The following MX2 variants were observed in gnomAD, a reference collection of about 807,000 sequenced individuals.
MX2 encodes interferon-induced GTP-binding protein Mx2.
Under a neutral mutation model 74.0 loss-of-function variants are expected in MX2, and 51 were observed. The observed-to-expected ratio is 0.69, with a 90% CI of 0.55 to 0.87. MX2 has a LOEUF of 0.87. MX2 is among the 40% of genes least tolerant of loss of function. The pLI, the probability that MX2 is intolerant of heterozygous loss-of-function variation, is 0.00. For synonymous variants in MX2, 369 were observed against 339.3 expected (o/e 1.09, Z -0.96); for missense variants, 832 against 908.7 (o/e 0.92, Z 1.09).
chr21:41,387,370 G>GA (rs1323311138), intron 5 of MX2, among the ~76,000 whole-genome samples: 2 of 152,198 alleles, frequency 1.3e-5, no homozygotes, highest in Non-Finnish European at 2.9e-5. Context: ...CTGTCCCTGT[G>GA]AAAGGTCTTT....
At chr21:41,401,928 G>A in intron 10 of MX2, 42 bp from the exon 11 acceptor site, 1 of 1,593,876 alleles carries the variant, frequency 6.3e-7, no homozygotes, top group Non-Finnish European at 8.6e-7. Flanking sequence ...GACGTCTGCA[G>A]AATTAGCAGA....
At chr21:41,371,885 G>A (rs1333796525) in intron 1 of MX2, among the ~76,000 whole-genome samples, 1 of 152,126 alleles carries the variant, frequency 6.6e-6, no homozygotes, top group South Asian at 2.1e-4. Context: ...GGCCAAGACC[G>A]CACGGCCAAT....
chr21:41,382,624 C>T (rs1441196583), intron 5 of MX2, 60 bp downstream of exon 5: 5 of 1,602,908 alleles, frequency 3.1e-6, no homozygotes, highest in Non-Finnish European at 4.3e-6. Context: ...GTCAGAGGTC[C>T]CCAGGGTCCT....
intron 7 of MX2, 52 bp from the exon 8 acceptor site, chr21:41,397,561 C>A: frequency 6.5e-7 from 1 of 1,543,790 alleles, no homozygotes; most frequent in Non-Finnish European, 8.9e-7. Flanking sequence ...CCGGTACTAG[C>A]AAGATGGTAC....
chr21:41,406,019 T>G (rs2089881305), intron 12 of MX2, among the ~76,000 whole-genome samples: 1 of 151,002 alleles, frequency 6.6e-6, no homozygotes, highest in Non-Finnish European at 1.5e-5. Context: ...GAGACGGAGT[T>G]TCGCTCTTGT....
chr21:41,380,571 C>T lies in MX2; in HGVS notation c.577+420C>T, dbSNP rs1165378072. Among the ~76,000 whole-genome samples, 1 of 152,184 alleles carries T rather than the reference C, an allele frequency of 6.6e-6. No individual in the cohort carries two copies. The highest frequency in any genetic ancestry group is 1.5e-5 in the Non-Finnish European group (1 of 68,032). Reference sequence around the variant, plus strand: ...CCTTTGGAAATGCTGCTGCAGGACCCCTGGTCCCACCCCAGGTGTCACAAC... The same window carrying T: ...CCTTTGGAAATGCTGCTGCAGGACCTCTGGTCCCACCCCAGGTGTCACAAC... On this transcript the variant is annotated intron_variant, in intron 4 of 13. Coordinates refer to ENST00000330714, the MANE Select transcript of MX2 (RefSeq NM_002463.2). This position sits in a 1 kb window ranked among gnomAD's most constrained non-coding sequence, Gnocchi z 4.3.
Position 41,380,229 on chromosome 21 carries a change from G to C in MX2, c.577+78G>C, listed in dbSNP as rs79107255. ...CTCGGTTCCTTCTCCTCTTCCTCAA[G>C]TCACCCCCACAGTGACCACTCAGCT... is the stretch of plus-strand genomic sequence containing the variant. On this transcript the variant is annotated intron_variant, in intron 4 of 13. Transcript: ENST00000330714. The surrounding 1 kb of genome is among the most constrained non-coding windows in gnomAD (Gnocchi z 4.3). 6.3e-7 allele frequency: 1 copy of C among 1,589,580 alleles called. No homozygotes were observed.
intron 2 of MX2, 63 bp downstream of exon 2, chr21:41,377,218 A>G: frequency 6.3e-7 from 1 of 1,590,254 alleles, no homozygotes; most frequent in Admixed American, 1.7e-5. Flanking sequence ...GAGGGCTGTC[A>G]TGTAAGCCCA....
chr21:41,379,475 G>A (rs556492528), intron 3 of MX2, among the ~76,000 whole-genome samples: 5 of 152,130 alleles, frequency 3.3e-5, no homozygotes, highest in African/African-American at 4.8e-5. Context: ...CGGGATGTCC[G>A]GCTTCTCCTC....
intron 1 of MX2, among the ~76,000 whole-genome samples, chr21:41,362,601 C>T (rs1405383294): frequency 3.9e-5 from 6 of 152,028 alleles, no homozygotes; most frequent in South Asian, 2.1e-4. Context: ...ATGCTCCCAC[C>T]GTGGCCAGTT....
chr21:41,383,505 G>A (rs2089526688), intron 5 of MX2, among the ~76,000 whole-genome samples: 1 of 152,264 alleles, frequency 6.6e-6, no homozygotes, highest in African/African-American at 2.4e-5. Context: ...GCTTTGGCAA[G>A]CCAGCTCATG....
At chr21:41,393,655 A>G (rs2089694345) in intron 6 of MX2, among the ~76,000 whole-genome samples, 1 of 151,932 alleles carries the variant, frequency 6.6e-6, no homozygotes, top group African/African-American at 2.4e-5. Context: ...TCCTTCTATC[A>G]ACGCATCATC....
Position 41,388,494 on chromosome 21 carries a change from A to G in MX2, c.733-2071A>G, listed in dbSNP as rs1215315917. Reference sequence around the variant, plus strand: ...CCCTACCTGGGCTGCCTTGCCTGACATACTGTTCCCCGTGCCTGGCTCTTT... The same window carrying G: ...CCCTACCTGGGCTGCCTTGCCTGACGTACTGTTCCCCGTGCCTGGCTCTTT... On this transcript the variant is annotated intron_variant, in intron 5 of 13. Transcript: ENST00000330714. The surrounding 1 kb of genome is among the most constrained non-coding windows in gnomAD (Gnocchi z 4.0). 6.6e-6 allele frequency among the ~76,000 whole-genome samples: 1 copy of G among 152,106 alleles called. No individual in the cohort carries two copies. Among genetic ancestry groups the G allele is most frequent in the Non-Finnish European group, 1.5e-5 (1 of 68,016 alleles).
chr21:41,402,159 A>G lies in MX2; in HGVS notation c.1573+31A>G, dbSNP rs1232742366. On this transcript the variant is annotated intron_variant, in intron 11 of 13. Transcript: ENST00000330714. This position sits in a 1 kb window ranked among gnomAD's most constrained non-coding sequence, Gnocchi z 4.5. Reference sequence around the variant, plus strand: ...GACTTTCAAGCAGGACTCCCAAACCATCACTCTCATACCTTCCATAGACCC... The same window carrying G: ...GACTTTCAAGCAGGACTCCCAAACCGTCACTCTCATACCTTCCATAGACCC... The G allele has an allele frequency of 1.9e-6, 3 of 1,602,688 alleles. No individual in the cohort carries two copies. The highest frequency in any genetic ancestry group is 1.7e-6 in the Non-Finnish European group (2 of 1,174,684).
rs2089509197 is a variant in MX2 at position 41,382,465 on chromosome 21, G to A, written c.633G>A (p.Leu211=). 1.2e-6 allele frequency: 2 copies of A among 1,614,076 alleles called. No individual in the cohort carries two copies. The highest frequency in any genetic ancestry group is 2.2e-5 in the South Asian group (2 of 91,096). Reference sequence around the variant, plus strand: ...GCATCAGCCATGAGCTCATCAGCCTGGAGATCACCTCCCCTGAGGTTCCAG... The same window carrying A: ...GCATCAGCCATGAGCTCATCAGCCTAGAGATCACCTCCCCTGAGGTTCCAG... ...GRGISHELIS[L]EITSPEVPDL... The change falls in exon 5 of 14, where the codon CTG becomes CTA. Residue 211 remains leucine, a synonymous_variant. Coordinates refer to ENST00000330714, the MANE Select transcript of MX2 (RefSeq NM_002463.2).
Position 41,380,130 on chromosome 21 carries a change from G to C in MX2, c.556G>C (p.Val186Leu). ...TELELQDPGQ[V>L]EKEIHKAQNV... The stretch of plus-strand genomic sequence containing the variant: ...GCTAGAGCTTCAGGACCCTGGCCAG[G>C]TGGAGAAAGAGATACACAAAGGTGG... Residue 186 changes from valine (V) to leucine (L), a missense_variant, in exon 4 of 14, where the codon GTG becomes CTG. By Grantham distance (32) the Val-to-Leu change is conservative (BLOSUM62 1). Transcript: ENST00000330714. This position sits in a 1 kb window ranked among gnomAD's most constrained non-coding sequence, Gnocchi z 4.3. 1.2e-6 allele frequency: 2 copies of C among 1,613,884 alleles called. No individual in the cohort carries two copies. Among genetic ancestry groups the C allele is most frequent in the Non-Finnish European group, 8.5e-7 (1 of 1,179,800 alleles).
intron 6 of MX2, among the ~76,000 whole-genome samples, chr21:41,394,469 C>A (rs2089705727): frequency 6.6e-6 from 1 of 152,170 alleles, no homozygotes; most frequent in South Asian, 2.1e-4. Context: ...ACATCACGCA[C>A]CGCTGCCCAC....
chr21:41,402,126 T>C lies in MX2; in HGVS notation c.1571T>C (p.Met524Thr). The change falls in exon 11 of 14, where the codon ATG becomes ACG. Residue 524 changes from methionine (M) to threonine (T), a missense_variant and splice_region_variant. Physicochemically the swap from Met to Thr is moderately conservative, Grantham distance 81. Coordinates refer to ENST00000330714, the MANE Select transcript of MX2 (RefSeq NM_002463.2). This position sits in a 1 kb window ranked among gnomAD's most constrained non-coding sequence, Gnocchi z 4.5. ...EPALSMLQKA[M>T]EIIQQAFINV... ...GCCCTTAGCATGCTCCAGAAAGCCA[T>C]GGGTGAGGACTTTCAAGCAGGACTC... is the stretch of plus-strand genomic sequence containing the variant. The C allele has an allele frequency of 6.2e-7, 1 of 1,612,832 alleles. No individual in the cohort carries two copies. Among genetic ancestry groups the C allele is most frequent in the South Asian group, 1.1e-5 (1 of 90,864 alleles).
At chr21:41,367,029 C>G (rs1257858223) in intron 1 of MX2, 1 of 152,304 alleles carries the variant, frequency 6.6e-6, no homozygotes, top group African/African-American at 2.4e-5. Flanking sequence ...GGACAGGAAC[C>G]AAGGAACATG....
Sources: allele counts gnomAD v4.1 joint callset (sites outside exome capture counted in the v4.1 genomes callset), GRCh38; gene constraint gnomAD v4.1.1; non-coding constraint Gnocchi (gnomAD v3.1); transcripts MANE v1.5; gene names NCBI Gene and HGNC (gene_info 2026-07-23, HGNC 2026-07-21).